Variants in TGM4 observed in about 807,000 individuals in gnomAD.
TGM4 encodes the protein protein-glutamine gamma-glutamyltransferase 4.
A neutral mutation model predicts 76.3 loss-of-function variants in TGM4; 61 were observed. That is an observed-to-expected ratio of 0.80 (90% CI 0.65 to 0.99). TGM4 has a LOEUF of 0.99. TGM4 is among the 50% of genes least tolerant of loss of function. The pLI is 0.00. For missense variants in TGM4, 794 were observed against 843.2 expected (o/e 0.94, Z 0.72); for synonymous variants, 337 against 329.8 (o/e 1.02, Z -0.24).
chr3:44,907,572 C>A (rs1236586055), intron 10 of TGM4, among the ~76,000 whole-genome samples: 2 of 152,186 alleles, frequency 1.3e-5, no homozygotes, highest in African/African-American at 4.8e-5. Context: ...CTCCCCAGTG[C>A]CCAGTAAATT....
chr3:44,913,818 TATATG>T lies in TGM4; in HGVS notation c.*95_*99del. ...TTATGGATGATTAAATTTGATGACT[TATATG>T]AGGGCAGATTCAAGAGCCAGCAGGT... On this transcript the variant is annotated 3_prime_UTR_variant, in exon 14 of 14. Coordinates refer to ENST00000296125, the MANE Select transcript of TGM4 (RefSeq NM_003241.4). The T allele has an allele frequency of 6.6e-7, 1 of 1,512,228 alleles. No homozygotes were observed. The highest frequency in any genetic ancestry group is 8.9e-7 in the Non-Finnish European group (1 of 1,128,540). 93.7% of individuals were successfully genotyped at this position (1,512,228 alleles called of 1,614,324 possible). A position where few individuals can be genotyped will look rare whatever the true frequency, so the allele number is the denominator to read the frequency against.
At chr3:44,892,765 T>A (rs1168303560) in intron 4 of TGM4, among the ~76,000 whole-genome samples, 2 of 152,208 alleles carry the variant, frequency 1.3e-5, no homozygotes, top group Non-Finnish European at 2.9e-5. Context: ...TATGTTTACC[T>A]CCTTTAATCT....
At chr3:44,903,647 G>A in intron 8 of TGM4, 1 of 534,854 alleles carries the variant, frequency 1.9e-6, no homozygotes, top group East Asian at 3.2e-5. Flanking sequence ...ACGGTCTCAT[G>A]AGGTTCCCCC....
chr3:44,896,280 T>A (rs1340165932), intron 5 of TGM4, among the ~76,000 whole-genome samples: 1 of 152,046 alleles, frequency 6.6e-6, no homozygotes, highest in African/African-American at 2.4e-5. Flanking sequence ...CCCGGCTAAT[T>A]TTGTATTTTT....
intron 8 of TGM4, among the ~76,000 whole-genome samples, chr3:44,902,673 G>C (rs985410464): frequency 6.6e-6 from 1 of 152,098 alleles, no homozygotes; most frequent in African/African-American, 2.4e-5. Flanking sequence ...CCTCTACAGG[G>C]GAAGGGCCAG....
intron 1 of TGM4, among the ~76,000 whole-genome samples, chr3:44,884,215 C>T (rs1575712016): frequency 6.6e-6 from 1 of 152,150 alleles, no homozygotes; most frequent in African/African-American, 2.4e-5. Flanking sequence ...GTATCAGAAT[C>T]GCTGGGGGAG....
At chr3:44,887,621 C>G (rs1575714325) in intron 2 of TGM4, 68 bp from the exon 3 acceptor site, 1 of 1,486,846 alleles carries the variant, frequency 6.7e-7, no homozygotes. Flanking sequence ...TAGGTGGGCC[C>G]GAACCAGAGG....
chr3:44,887,512 A>T (rs561421395), intron 2 of TGM4, among the ~76,000 whole-genome samples, 177 bp from the exon 3 acceptor site: 1 of 152,232 alleles, frequency 6.6e-6, no homozygotes. Context: ...CTAAAACTGG[A>T]CATGTGGGGC....
intron 8 of TGM4, 127 bp downstream of exon 8, chr3:44,902,058 G>T: frequency 8.6e-7 from 1 of 1,163,916 alleles, no homozygotes; most frequent in Non-Finnish European, 1.2e-6. Context: ...CAGTCCTCCT[G>T]CCTTAGCCTC....
chr3:44,881,454 G>A (rs1425224458), intron 1 of TGM4, among the ~76,000 whole-genome samples: 2 of 152,324 alleles, frequency 1.3e-5, no homozygotes, highest in South Asian at 4.1e-4. Flanking sequence ...TGGAGGCTGA[G>A]ACTCCAAGGT....
chr3:44,882,316 A>G lies in TGM4; in HGVS notation c.20-3009A>G, dbSNP rs1215037279. ...CCCAGATCTGCCTTAAGCAGTGCTC[A>G]GGTCACAGAGCAGTGCCCAGGAGAG... On this transcript the variant is annotated intron_variant, in intron 1 of 13. Transcript: ENST00000296125. Among the ~76,000 whole-genome samples, 3 of 152,178 alleles carry G rather than the reference A, an allele frequency of 2.0e-5. No individual in the cohort carries two copies. The East Asian group carries it at 5.8e-4, about 29-fold the overall frequency.
At chr3:44,886,842 C>T (rs1699614371) in intron 2 of TGM4, among the ~76,000 whole-genome samples, 1 of 152,158 alleles carries the variant, frequency 6.6e-6, no homozygotes, top group Admixed American at 6.5e-5. Context: ...CAGACAGGGC[C>T]AGATATGATG....
intron 8 of TGM4, among the ~76,000 whole-genome samples, chr3:44,902,478 T>C (rs1271102579): frequency 4.6e-5 from 7 of 152,154 alleles, no homozygotes; most frequent in Non-Finnish European, 1.0e-4. Flanking sequence ...CACGTGCCTG[T>C]AATCCCAGCT....
Position 44,910,123 on chromosome 3 carries a change from C to T in TGM4, c.1361C>T (p.Ala454Val). Reference protein sequence around the residue: ...SSEERQVMDHAFLLLSSEREH... With the variant: ...SSEERQVMDHVFLLLSSEREH... ...GAGGAGAGGCAGGTCATGGATCATGCCTTCCTCCTTCTCAGTTCTGAGAGG... is the reference window on the plus strand; with the variant it reads ...GAGGAGAGGCAGGTCATGGATCATGTCTTCCTCCTTCTCAGTTCTGAGAGG... Residue 454 changes from alanine (A) to valine (V), a missense_variant, in exon 11 of 14, where the codon GCC becomes GTC. Physicochemically the swap from Ala to Val is moderately conservative, Grantham distance 64. Coordinates refer to ENST00000296125, the MANE Select transcript of TGM4 (RefSeq NM_003241.4). 1 of 1,614,182 alleles carries T rather than the reference C, an allele frequency of 6.2e-7. No individual in the cohort carries two copies. The highest frequency in any genetic ancestry group is 1.1e-5 in the South Asian group (1 of 91,082).
intron 3 of TGM4, chr3:44,888,146 G>A (rs1422528572): frequency 4.1e-6 from 1 of 245,490 alleles, no homozygotes; most frequent in Non-Finnish European, 7.9e-6. Context: ...CTGTGTCATG[G>A]TCAAATACAA....
intron 11 of TGM4, 90 bp downstream of exon 11, chr3:44,910,458 C>T: frequency 6.9e-7 from 1 of 1,456,568 alleles, no homozygotes; most frequent in East Asian, 2.3e-5. Flanking sequence ...AACTTCCATA[C>T]ATTGATAAAT....
chr3:44,887,908 CA>C, intron 3 of TGM4, 113 bp downstream of exon 3: 1 of 892,886 alleles, frequency 1.1e-6, no homozygotes, highest in South Asian at 1.5e-5. Flanking sequence ...GGTTTAAAGC[CA>C]TCCACAGCAC....
intron 11 of TGM4, 114 bp from the exon 12 acceptor site, chr3:44,910,842 CAA>C: frequency 1.6e-6 from 2 of 1,213,130 alleles, no homozygotes; most frequent in Non-Finnish European, 2.3e-6. Context: ...GGGACATGTC[CAA>C]AGTTATCCAG....
rs1476200380 is a variant in TGM4 at position 44,875,798 on chromosome 3, G to A, written c.19+1101G>A. ...CTTCTTTTTTGGAGGGTGACATTGC[G>A]AAATAAATCAGACTCTTCTTTTTAG... On this transcript the variant is annotated intron_variant, in intron 1 of 13. Coordinates refer to ENST00000296125, the MANE Select transcript of TGM4 (RefSeq NM_003241.4). 8.5e-5 allele frequency among the ~76,000 whole-genome samples: 13 copies of A among 152,284 alleles called. No individual in the cohort carries two copies. The South Asian group carries it at 1.0e-3, about 12-fold the overall frequency.
Sources: gnomAD v4.1 joint callset for allele counts (sites outside exome capture counted in the v4.1 genomes callset) on GRCh38, gnomAD v4.1.1 for gene constraint, MANE v1.5 for transcripts, NCBI Gene and HGNC (gene_info 2026-07-23, HGNC 2026-07-21) for gene names.